The following IGFL2 variants were observed in gnomAD, a reference collection of about 807,000 sequenced individuals.
The protein encoded by IGFL2 is insulin growth factor-like family member 2.
In IGFL2, 7 loss-of-function variants were observed where a neutral mutation model predicts 13.9. The observed-to-expected ratio is 0.51, with a 90% CI of 0.29 to 0.95. IGFL2 has a LOEUF of 0.95. Ranked by LOEUF, IGFL2 falls within the 40% of genes least tolerant of loss-of-function variation. The pLI is 0.08. For missense variants in IGFL2, 138 were observed against 147.8 expected, an observed-to-expected ratio of 0.93 and a Z score of 0.34; for synonymous variants, 55 against 55.8, an observed-to-expected ratio of 0.99 and a Z score of 0.07.
chr19:46,121,110 G>A, the IGFL2 span, among the ~76,000 whole-genome samples: 1 of 150,146 alleles, frequency 6.7e-6, no homozygotes, highest in Admixed American at 6.6e-5. Context: ...TATAGTGGTG[G>A]CTCACTCCTA....
the IGFL2 span, among the ~76,000 whole-genome samples, chr19:46,172,172 G>A: frequency 6.6e-6 from 1 of 152,132 alleles, no homozygotes. Flanking sequence ...TATAGTCTAA[G>A]GTAGAAGAAA....
At chr19:46,082,314 A>G in the IGFL2 span, among the ~76,000 whole-genome samples, 4 of 152,206 alleles carry the variant, frequency 2.6e-5, no homozygotes, top group Admixed American at 6.5e-5. Flanking sequence ...TTAACTGTCT[A>G]CAAGTATAAG....
the IGFL2 span, among the ~76,000 whole-genome samples, chr19:46,108,098 G>A: frequency 6.6e-6 from 1 of 152,132 alleles, no homozygotes; most frequent in South Asian, 2.1e-4. Context: ...GGGAGTGGAG[G>A]CCGAGGAAGA....
chr19:46,080,988 C>A, the IGFL2 span, among the ~76,000 whole-genome samples: 1 of 152,222 alleles, frequency 6.6e-6, no homozygotes, highest in African/African-American at 2.4e-5. Flanking sequence ...CTGCCATGCT[C>A]ATCACGCACT....
chr19:46,114,305 T>C, the IGFL2 span, among the ~76,000 whole-genome samples: 1 of 151,950 alleles, frequency 6.6e-6, no homozygotes, highest in Non-Finnish European at 1.5e-5. Context: ...TCAGGGAACA[T>C]GCGAAAAAAA....
At chr19:46,079,421 C>T in the IGFL2 span, among the ~76,000 whole-genome samples, 1 of 152,184 alleles carries the variant, frequency 6.6e-6, no homozygotes, top group Non-Finnish European at 1.5e-5. Flanking sequence ...TACCATGGTG[C>T]ACCTGGTTTT....
At chr19:46,091,124 G>A in the IGFL2 span, among the ~76,000 whole-genome samples, 5 of 152,262 alleles carry the variant, frequency 3.3e-5, no homozygotes, top group South Asian at 8.3e-4. Flanking sequence ...AGGTATTTTT[G>A]TGCATGAATC....
the IGFL2 span, chr19:46,212,953 G>A: frequency 1.3e-5 from 2 of 152,278 alleles, no homozygotes; most frequent in African/African-American, 4.8e-5. Context: ...TTCCAAACCT[G>A]TGAAAGTCAG....
At chr19:46,130,555 G>C in the IGFL2 span, among the ~76,000 whole-genome samples, 2 of 152,098 alleles carry the variant, frequency 1.3e-5, no homozygotes, top group Non-Finnish European at 2.9e-5. Context: ...TTATAAACTG[G>C]TTACTTGCAA....
At chr19:46,139,435 CTA>C (rs1407725026), upstream of IGFL2, among the ~76,000 whole-genome samples, 1 of 151,728 alleles carries the variant, frequency 6.6e-6, no homozygotes, top group Non-Finnish European at 1.5e-5. Flanking sequence ...TGTAAGAAAT[CTA>C]TGTTACATAT....
the IGFL2 span, among the ~76,000 whole-genome samples, chr19:46,086,524 A>G: frequency 6.6e-6 from 1 of 152,140 alleles, no homozygotes; most frequent in Non-Finnish European, 1.5e-5. Context: ...GGGTTCCACC[A>G]TGTTGGCCAG....
chr19:46,208,257 T>A, the IGFL2 span: 1 of 152,248 alleles, frequency 6.6e-6, no homozygotes, highest in Non-Finnish European at 1.5e-5. Flanking sequence ...CAGAAGGACA[T>A]TCAAACTGGT....
chr19:46,194,732 G>A, the IGFL2 span, among the ~76,000 whole-genome samples: 1 of 150,986 alleles, frequency 6.6e-6, no homozygotes, highest in African/African-American at 2.4e-5. Flanking sequence ...TGAGGCAGGA[G>A]AATCACTTGA....
chr19:46,145,598 A>ATGTGTGTGTG (rs765380139), upstream of IGFL2, among the ~76,000 whole-genome samples: 1,106 of 138,384 alleles, frequency 8.0e-3, 15 homozygotes, highest in African/African-American at 0.031. Context: ...ACACTCATAT[A>ATGTGTGTGTG]TATGTGTGTG....
chr19:46,190,107 C>G, the IGFL2 span: 1 of 152,198 alleles, frequency 6.6e-6, no homozygotes, highest in Non-Finnish European at 1.5e-5. Context: ...AATCAACGAC[C>G]TCTACATTCA....
the IGFL2 span, among the ~76,000 whole-genome samples, chr19:46,128,991 G>A: frequency 6.6e-6 from 1 of 152,124 alleles, no homozygotes; most frequent in Non-Finnish European, 1.5e-5. Context: ...TTTTTGGTTG[G>A]TAGGCTATTT....
the IGFL2 span, chr19:46,180,485 A>G: frequency 6.6e-6 from 1 of 152,186 alleles, no homozygotes; most frequent in African/African-American, 2.4e-5. Flanking sequence ...CAGTATTTTG[A>G]TAATTTTAAA....
At chr19:46,097,655 A>G in the IGFL2 span, among the ~76,000 whole-genome samples, 1 of 152,274 alleles carries the variant, frequency 6.6e-6, no homozygotes, top group Non-Finnish European at 1.5e-5. Context: ...AGTGCTATAA[A>G]TTTCCCTCTT....
At chr19:46,168,837 G>A in the IGFL2 span, among the ~76,000 whole-genome samples, 10 of 143,312 alleles carry the variant, frequency 7.0e-5, no homozygotes, top group Admixed American at 7.1e-4. Flanking sequence ...TATCCTACAT[G>A]CTGTAATTTT....
Sources: allele counts gnomAD v4.1 joint callset (sites outside exome capture counted in the v4.1 genomes callset), GRCh38; gene constraint gnomAD v4.1.1; transcripts MANE v1.5; gene names NCBI Gene and HGNC (gene_info 2026-07-23, HGNC 2026-07-21).